Variants in CCDC192 observed in about 807,000 individuals in gnomAD.
CCDC192 encodes the protein coiled-coil domain containing 192.
At chr5:127,842,113 A>G (rs1286581431) in intron 5 of CCDC192, among the ~76,000 whole-genome samples, 1 of 152,242 alleles carries the variant, frequency 6.6e-6, no homozygotes, top group Admixed American at 6.5e-5. Context: ...GGCTGGCTTC[A>G]AGGGCATGCA....
intron 6 of CCDC192, among the ~76,000 whole-genome samples, chr5:127,931,173 C>T (rs1275978577): frequency 6.6e-6 from 1 of 152,172 alleles, no homozygotes; most frequent in Non-Finnish European, 1.5e-5. Context: ...AAAGTCCAAT[C>T]TCTTCCTTCC....
At chr5:127,747,285 T>A (rs1004172716) in intron 2 of CCDC192, among the ~76,000 whole-genome samples, 7 of 146,096 alleles carry the variant, frequency 4.8e-5, no homozygotes, top group African/African-American at 1.8e-4. Flanking sequence ...GTCCCCAGAG[T>A]GTGATGTTCC....
intron 2 of CCDC192, among the ~76,000 whole-genome samples, chr5:127,749,927 G>T (rs1433626674): frequency 6.6e-6 from 1 of 152,022 alleles, no homozygotes; most frequent in African/African-American, 2.4e-5. Context: ...TTCTCTGATG[G>T]TAGTTTGTAT....
At chr5:127,882,378 C>T (rs1752392603) in intron 6 of CCDC192, among the ~76,000 whole-genome samples, 1 of 152,128 alleles carries the variant, frequency 6.6e-6, no homozygotes, top group Non-Finnish European at 1.5e-5. Flanking sequence ...ATGATGCCCA[C>T]CCCTAGGCAC....
In CCDC192 at chr5:127,707,703, T is replaced by C. The variant is rs1021319955; in HGVS notation, c.63-6T>C. ...TTTGGAATTCTAAATGTTTACTTTTTTTCAGCATGACGTCTGGAAGTTCAG... is the reference window on the plus strand; with the variant it reads ...TTTGGAATTCTAAATGTTTACTTTTCTTCAGCATGACGTCTGGAAGTTCAG... On this transcript the variant is annotated splice_polypyrimidine_tract_variant and splice_region_variant and intron_variant, in intron 1 of 6. Transcript: ENST00000514853. The C allele has an allele frequency of 5.8e-5, 23 of 398,546 alleles. No individual in the cohort carries two copies. In the South Asian group the frequency reaches 8.9e-4, roughly 15 times the overall value. The allele number at this position is 398,546 out of a possible 1,614,324, so 24.7% of individuals were successfully genotyped here.
chr5:127,860,305 T>C (rs546627985), intron 5 of CCDC192, among the ~76,000 whole-genome samples: 1 of 152,328 alleles, frequency 6.6e-6, no homozygotes, highest in Admixed American at 6.5e-5. Flanking sequence ...AGAACTAAAT[T>C]ATTGAGAATC....
chr5:127,706,573 T>C (rs187921014), intron 1 of CCDC192, among the ~76,000 whole-genome samples: 196 of 127,736 alleles, frequency 1.5e-3, no homozygotes, highest in African/African-American at 5.5e-3. Flanking sequence ...TTGACAACAA[T>C]AGAAAGGAAT....
At chr5:127,873,593 C>T (rs1337698334) in intron 5 of CCDC192, among the ~76,000 whole-genome samples, 1 of 152,216 alleles carries the variant, frequency 6.6e-6, no homozygotes, top group Non-Finnish European at 1.5e-5. Flanking sequence ...TGGACACTTT[C>T]TAGCACTCCC....
At chr5:127,810,444 C>A (rs552913538) in intron 5 of CCDC192, among the ~76,000 whole-genome samples, 1 of 152,148 alleles carries the variant, frequency 6.6e-6, no homozygotes, top group East Asian at 1.9e-4. Flanking sequence ...GTCATGAGAC[C>A]ACATTAATTA....
intron 5 of CCDC192, among the ~76,000 whole-genome samples, chr5:127,870,801 T>C (rs1751821845): frequency 6.6e-6 from 1 of 152,242 alleles, no homozygotes; most frequent in Non-Finnish European, 1.5e-5. Flanking sequence ...ACATGTAAAA[T>C]TGACTTTTAA....
chr5:127,705,721 A>G (rs1750920736), intron 1 of CCDC192, among the ~76,000 whole-genome samples: 1 of 152,068 alleles, frequency 6.6e-6, no homozygotes. Context: ...AGCAGAGAAG[A>G]GAGTATGAGT....
At chr5:127,765,801 C>T (rs1755190320) in intron 3 of CCDC192, among the ~76,000 whole-genome samples, 1 of 152,152 alleles carries the variant, frequency 6.6e-6, no homozygotes, top group Non-Finnish European at 1.5e-5. Flanking sequence ...AGAAAATGTC[C>T]TTCAATTAGT....
chr5:127,935,601 C>T (rs889405465), intron 6 of CCDC192: 4 of 152,168 alleles, frequency 2.6e-5, no homozygotes, highest in African/African-American at 9.7e-5. Flanking sequence ...TAATATGAAA[C>T]CACTCCTTCT....
rs113560035 is a variant in CCDC192, at chr5:127,880,635, T to TA, written c.535+4984dup. ...ATAAATAAATAAAATGAAAATAAATTAAAAAAAAAACAAAACATCTCCAAT... is the reference window on the plus strand; with the variant it reads ...ATAAATAAATAAAATGAAAATAAATTAAAAAAAAAAACAAAACATCTCCAAT... On this transcript the variant is annotated intron_variant, in intron 6 of 6. Coordinates refer to ENST00000514853, the MANE Select transcript of CCDC192 (RefSeq NM_001317938.2). Among the ~76,000 whole-genome samples, 1,350 of 146,510 alleles carry TA rather than the reference T, an allele frequency of 9.2e-3. 21 individuals are homozygous for TA. Among genetic ancestry groups the TA allele is most frequent in the African/African-American group, 0.031 (1,227 of 39,884 alleles).
intron 2 of CCDC192, among the ~76,000 whole-genome samples, chr5:127,714,940 G>C (rs1229242896): frequency 6.7e-6 from 1 of 148,834 alleles, no homozygotes; most frequent in African/African-American, 2.5e-5. Context: ...TGTCTATTTA[G>C]GTCTTTTGCC....
chr5:127,766,846 A>G (rs1414931594), intron 3 of CCDC192, among the ~76,000 whole-genome samples: 1 of 152,144 alleles, frequency 6.6e-6, no homozygotes, highest in Non-Finnish European at 1.5e-5. Flanking sequence ...AGAAGCAGTA[A>G]GCTGAATTAG....
At chr5:127,919,045 ATC>A (rs1753621535) in intron 6 of CCDC192, among the ~76,000 whole-genome samples, 1 of 146,774 alleles carries the variant, frequency 6.8e-6, no homozygotes, top group African/African-American at 2.6e-5. Context: ...GTGTGTATAT[ATC>A]TGTGTGTGTA....
At chr5:127,794,547 A>C (rs1364802612) in intron 3 of CCDC192, among the ~76,000 whole-genome samples, 1 of 152,204 alleles carries the variant, frequency 6.6e-6, no homozygotes, top group Non-Finnish European at 1.5e-5. Flanking sequence ...TTATTCACCT[A>C]TATAGTTTTG....
At chr5:127,753,463 T>A (rs1473915430) in intron 2 of CCDC192, among the ~76,000 whole-genome samples, 1 of 152,040 alleles carries the variant, frequency 6.6e-6, no homozygotes, top group Non-Finnish European at 1.5e-5. Flanking sequence ...TTTGGGAGGC[T>A]GAGGCGGGCA....
Sources: gnomAD v4.1 joint callset for allele counts (sites outside exome capture counted in the v4.1 genomes callset) on GRCh38, gnomAD v4.1.1 for gene constraint, MANE v1.5 for transcripts, NCBI Gene and HGNC (gene_info 2026-07-23, HGNC 2026-07-21) for gene names.